ARK2N: variants seen among roughly 807,000 people sequenced by gnomAD.
ARK2N encodes the protein protein ARK2N.
the ARK2N span, among the ~76,000 whole-genome samples, chr18:46,252,191 T>C: frequency 7.2e-6 from 1 of 138,832 alleles, no homozygotes; most frequent in Admixed American, 7.3e-5. Context: ...AGACTCCATC[T>C]CAAAAAAAAA....
the ARK2N span, among the ~76,000 whole-genome samples, chr18:46,237,321 C>T: frequency 1.3e-5 from 2 of 150,864 alleles, no homozygotes; most frequent in Admixed American, 1.3e-4. Context: ...AAGAATATCA[C>T]AAATTGTTAC....
the ARK2N span, among the ~76,000 whole-genome samples, chr18:46,259,254 T>A: frequency 1.3e-5 from 2 of 151,078 alleles, no homozygotes; most frequent in East Asian, 3.9e-4. Flanking sequence ...TTTTTTTTTT[T>A]TTTTTTTGAG....
chr18:46,211,262 G>T, the ARK2N span, among the ~76,000 whole-genome samples: 4 of 152,046 alleles, frequency 2.6e-5, no homozygotes, highest in Non-Finnish European at 5.9e-5. Flanking sequence ...AGCCTGGAAC[G>T]TACTGTTGCA....
At chr18:46,208,402 A>G in the ARK2N span, among the ~76,000 whole-genome samples, 68 of 146,480 alleles carry the variant, frequency 4.6e-4, no homozygotes, top group African/African-American at 1.6e-3. Flanking sequence ...TGTTTTGTGT[A>G]TTACAGATAG....
the ARK2N span, among the ~76,000 whole-genome samples, chr18:46,229,983 A>G: frequency 6.6e-6 from 1 of 151,828 alleles, no homozygotes; most frequent in Non-Finnish European, 1.5e-5. Context: ...CTATAGTGCA[A>G]TGGCACGATC....
the ARK2N span, among the ~76,000 whole-genome samples, chr18:46,192,004 T>C: frequency 6.6e-6 from 1 of 152,222 alleles, no homozygotes; most frequent in Non-Finnish European, 1.5e-5. Context: ...TATGGATGAA[T>C]AATATTCCAT....
the ARK2N span, among the ~76,000 whole-genome samples, chr18:46,200,398 TC>T: frequency 1.3e-5 from 2 of 151,914 alleles, no homozygotes; most frequent in African/African-American, 2.4e-5. Context: ...ACCTCTGCCT[TC>T]CGGGTTCAAG....
At chr18:46,223,875 A>T in the ARK2N span, among the ~76,000 whole-genome samples, 2 of 152,222 alleles carry the variant, frequency 1.3e-5, no homozygotes, top group African/African-American at 2.4e-5. Flanking sequence ...AAAGCAGGAT[A>T]TAAGAGATAA....
At chr18:46,263,829 G>A in the ARK2N span, 3 of 152,574 alleles carry the variant, frequency 2.0e-5, no homozygotes, top group Admixed American at 2.0e-4. Context: ...TGAGACAGAG[G>A]CATTTCAGAT....
the ARK2N span, among the ~76,000 whole-genome samples, chr18:46,233,548 C>T: frequency 2.0e-4 from 31 of 152,128 alleles, no homozygotes; most frequent in Non-Finnish European, 3.7e-4. Context: ...TCAGAGGCTT[C>T]ATAACTTTAT....
the ARK2N span, chr18:46,217,946 TA>T: frequency 6.6e-6 from 1 of 152,076 alleles, no homozygotes; most frequent in Non-Finnish European, 1.5e-5. Context: ...TTAATATTTT[TA>T]AAAAAACCTT....
At chr18:46,233,101 GT>G in the ARK2N span, among the ~76,000 whole-genome samples, 3 of 151,830 alleles carry the variant, frequency 2.0e-5, no homozygotes, top group African/African-American at 2.4e-5. Flanking sequence ...ATTATTTTTA[GT>G]TTTTTTGGTA....
At chr18:46,242,066 C>T in the ARK2N span, among the ~76,000 whole-genome samples, 8 of 152,262 alleles carry the variant, frequency 5.3e-5, no homozygotes, top group South Asian at 1.7e-3. Context: ...GCCTTGGCCT[C>T]CCAAAGTGCT....
chr18:46,194,100 C>A, the ARK2N span, among the ~76,000 whole-genome samples: 1 of 152,062 alleles, frequency 6.6e-6, no homozygotes, highest in South Asian at 2.1e-4. Flanking sequence ...TCAAGCAGTC[C>A]TTCTACATGC....
At chr18:46,179,458 C>T in the ARK2N span, among the ~76,000 whole-genome samples, 2 of 152,044 alleles carry the variant, frequency 1.3e-5, no homozygotes, top group African/African-American at 4.8e-5. Context: ...TCTTATGATT[C>T]CACTTAAAGA....
At chr18:46,182,526 T>C in the ARK2N span, among the ~76,000 whole-genome samples, 8 of 152,264 alleles carry the variant, frequency 5.3e-5, no homozygotes, top group East Asian at 1.5e-3. Context: ...GGAGGGTAGC[T>C]TGAGCCCAGG....
chr18:46,186,133 A>G, the ARK2N span, among the ~76,000 whole-genome samples: 1 of 151,942 alleles, frequency 6.6e-6, no homozygotes, highest in Non-Finnish European at 1.5e-5. Flanking sequence ...TTATTTTATT[A>G]TTTTTATTGA....
chr18:46,182,916 AATTTAT>A, the ARK2N span, among the ~76,000 whole-genome samples: 1 of 152,030 alleles, frequency 6.6e-6, no homozygotes, highest in African/African-American at 2.4e-5. Flanking sequence ...GCAATCTCAC[AATTTAT>A]ATTTAAGTTC....
chr18:46,212,782 G>C, the ARK2N span, among the ~76,000 whole-genome samples: 2,653 of 152,094 alleles, frequency 0.017, 73 homozygotes, highest in African/African-American at 0.06. Context: ...AGATTTACCT[G>C]TTTTATCCAC....
Sources: gnomAD v4.1 joint callset for allele counts (sites outside exome capture counted in the v4.1 genomes callset) on GRCh38, gnomAD v4.1.1 for gene constraint, MANE v1.5 for transcripts, NCBI Gene and HGNC (gene_info 2026-07-23, HGNC 2026-07-21) for gene names.